Variants in PDHX observed in about 807,000 individuals in gnomAD.
The protein encoded by PDHX is pyruvate dehydrogenase protein X component, mitochondrial.
In PDHX, 33 loss-of-function variants were observed where a neutral mutation model predicts 55.3. That is an observed-to-expected ratio of 0.60 (90% confidence interval 0.45 to 0.80). PDHX has a LOEUF of 0.80. Among genes scored for constraint, PDHX ranks in the 30% least tolerant of loss-of-function variants. PDHX has a pLI of 0.00. For synonymous variants in PDHX, 226 were observed against 219.4 expected, an observed-to-expected ratio of 1.03 and a Z score of -0.27; for missense variants, 622 against 619.9, an observed-to-expected ratio of 1.00 and a Z score of -0.04.
At chr11:34,961,934 T>TC (rs1463058920) in intron 5 of PDHX, among the ~76,000 whole-genome samples, 1 of 152,196 alleles carries the variant, frequency 6.6e-6, no homozygotes, top group East Asian at 1.9e-4. Context: ...CCCAGTTTTT[T>TC]CCCCACACCA....
chr11:34,931,273 T>C (rs779368737), intron 1 of PDHX, 131 bp from the exon 2 acceptor site: 2 of 670,764 alleles, frequency 3.0e-6, no homozygotes, highest in East Asian at 2.8e-5. Flanking sequence ...GTTTACCAGT[T>C]GGGAATCTTT....
intron 2 of PDHX, among the ~76,000 whole-genome samples, chr11:34,940,264 C>T (rs1020056543): frequency 2.6e-5 from 4 of 152,110 alleles, no homozygotes; most frequent in East Asian, 1.9e-4. Flanking sequence ...CTTGTTGCTG[C>T]GGTATTCCTT....
intron 3 of PDHX, among the ~76,000 whole-genome samples, chr11:34,954,373 A>G (rs1854856650): frequency 6.6e-6 from 1 of 152,246 alleles, no homozygotes; most frequent in African/African-American, 2.4e-5. Context: ...CTGTGTACAC[A>G]GATGAGATTA....
intron 5 of PDHX, among the ~76,000 whole-genome samples, chr11:34,966,175 A>G (rs1027174755): frequency 4.6e-5 from 7 of 152,196 alleles, no homozygotes. Flanking sequence ...GATTTGCACT[A>G]TAATAAACAA....
intron 5 of PDHX, among the ~76,000 whole-genome samples, chr11:34,962,462 G>A (rs1460836854): frequency 6.6e-6 from 1 of 152,196 alleles, no homozygotes; most frequent in East Asian, 1.9e-4. Flanking sequence ...GATTTGGGAA[G>A]CATTTGTTTT....
intron 3 of PDHX, among the ~76,000 whole-genome samples, chr11:34,956,621 T>A (rs1435978597): frequency 6.6e-6 from 1 of 152,180 alleles, no homozygotes; most frequent in Non-Finnish European, 1.5e-5. Flanking sequence ...TTAATGCTGC[T>A]GAAATGCTTA....
chr11:34,972,447 G>C (rs1295120717), intron 7 of PDHX, among the ~76,000 whole-genome samples: 3 of 151,150 alleles, frequency 2.0e-5, no homozygotes, highest in African/African-American at 4.9e-5. Flanking sequence ...ACCCAGGCTG[G>C]AGTGCAGTGG....
intron 1 of PDHX, among the ~76,000 whole-genome samples, chr11:34,919,476 C>T (rs978698209): frequency 1.3e-5 from 2 of 152,154 alleles, no homozygotes; most frequent in African/African-American, 2.4e-5. Flanking sequence ...GAGGTGCTGG[C>T]AGCATTTTTA....
intron 1 of PDHX, among the ~76,000 whole-genome samples, chr11:34,917,908 G>C (rs1853774656): frequency 6.6e-6 from 1 of 152,134 alleles, no homozygotes. Context: ...GGTCTGGTCT[G>C]GTGTGGGGCT....
intron 9 of PDHX, among the ~76,000 whole-genome samples, chr11:34,986,318 A>AG (rs1364482236): frequency 5.2e-5 from 6 of 114,286 alleles, no homozygotes; most frequent in Admixed American, 1.9e-4. Context: ...AAAAAAAAAA[A>AG]AAAAAAAAGA....
At chr11:34,965,086 A>G (rs1475940608) in intron 5 of PDHX, among the ~76,000 whole-genome samples, 2 of 152,196 alleles carry the variant, frequency 1.3e-5, no homozygotes, top group Non-Finnish European at 2.9e-5. Context: ...TTTGTTTTCT[A>G]ACAGTTCAAT....
At chr11:34,971,370 A>G (rs1020845406) in intron 7 of PDHX, among the ~76,000 whole-genome samples, 43 of 152,006 alleles carry the variant, frequency 2.8e-4, no homozygotes, top group African/African-American at 1.0e-3. Flanking sequence ...AAAAGCAGAT[A>G]TTTTTGCCTT....
At chr11:34,945,195 G>C (rs1383314184) in intron 2 of PDHX, among the ~76,000 whole-genome samples, 5 of 152,264 alleles carry the variant, frequency 3.3e-5, no homozygotes, top group South Asian at 4.1e-4. Flanking sequence ...ATATATCAAA[G>C]TTGTTAGCAT....
At chr11:34,917,296 C>G (rs1565144752) in intron 1 of PDHX, among the ~76,000 whole-genome samples, 1 of 152,168 alleles carries the variant, frequency 6.6e-6, no homozygotes, top group Non-Finnish European at 1.5e-5. Context: ...CACGCCATGA[C>G]TCGTGGAAGA....
At chr11:34,944,613 T>G (rs1480368156) in intron 2 of PDHX, among the ~76,000 whole-genome samples, 1 of 152,222 alleles carries the variant, frequency 6.6e-6, no homozygotes, top group Admixed American at 6.5e-5. Context: ...CACAATGAAG[T>G]ACTTTCTGTA....
At chr11:34,990,697 T>A (rs1386671800) in intron 9 of PDHX, among the ~76,000 whole-genome samples, 4 of 152,216 alleles carry the variant, frequency 2.6e-5, no homozygotes, top group Middle Eastern at 3.2e-3. Flanking sequence ...ACTGTATAAG[T>A]CAAAATTCAT....
At chr11:34,983,401 A>G (rs1855564368) in intron 8 of PDHX, among the ~76,000 whole-genome samples, 1 of 152,216 alleles carries the variant, frequency 6.6e-6, no homozygotes, top group South Asian at 2.1e-4. Context: ...CCTATTCAAC[A>G]TAGTGTTGGA....
chr11:34,972,601 G>C (rs1855281288), intron 7 of PDHX, among the ~76,000 whole-genome samples: 1 of 151,950 alleles, frequency 6.6e-6, no homozygotes, highest in Admixed American at 6.6e-5. Context: ...GTTTTAGCAT[G>C]TTGGCCACGC....
At chr11:34,949,703 A>G (rs974120422) in intron 3 of PDHX, among the ~76,000 whole-genome samples, 13 of 152,190 alleles carry the variant, frequency 8.5e-5, no homozygotes, top group African/African-American at 3.1e-4. Flanking sequence ...GGTTTATTAG[A>G]GGTTCTCTAA....
Sources: allele counts gnomAD v4.1 joint callset (sites outside exome capture counted in the v4.1 genomes callset), GRCh38; gene constraint gnomAD v4.1.1; transcripts MANE v1.5; gene names NCBI Gene and HGNC (gene_info 2026-07-23, HGNC 2026-07-21).